Variants in DLGAP2 observed in about 807,000 individuals in gnomAD.
DLGAP2 encodes DLG associated protein 2, also known as disks large-associated protein 2.
DLGAP2 carries 26 observed loss-of-function variants against 100.3 expected under a neutral mutation model. The ratio of observed to expected loss-of-function variants is 0.26; its 90% CI spans 0.19 to 0.36. The LOEUF (loss-of-function observed/expected upper bound fraction) is 0.36, where lower values mean the gene tolerates loss of function less well. Ranked by LOEUF, DLGAP2 falls within the 10% of genes least tolerant of loss-of-function variation. The probability of loss-of-function intolerance (pLI) is 1.00; values close to 1 mark genes in which losing one functional copy is unlikely to be tolerated. For synonymous variants in DLGAP2, 886 were observed against 630.1 expected (o/e 1.41, Z -6.08); for missense variants, 1,858 against 1,453.2 (o/e 1.28, Z -4.53).
chr8:807,652 C>G (rs1025842719), intron 1 of DLGAP2, among the ~76,000 whole-genome samples: 1 of 151,172 alleles, frequency 6.6e-6, no homozygotes, highest in African/African-American at 2.4e-5. Context: ...TATGTTCTCT[C>G]TCCTCTTTTT....
At position 976,330 on chromosome 8, in the gene DLGAP2, G is replaced by C. The variant is rs145776514; in HGVS notation, c.73+68364G>C. Among the ~76,000 whole-genome samples the C allele has an allele frequency of 7.8e-3, 1,185 of 152,164 alleles. 19 individuals carry two copies. Among genetic ancestry groups the C allele is most frequent in the African/African-American group, 0.027 (1,128 of 41,510 alleles). The stretch of plus-strand genomic sequence containing the variant: ...AAGCCCAGAAAATAGACTCAGTGCA[G>C]GCCGGGCGTGATGGTTCAAGCGTGT... On this transcript the variant is annotated intron_variant, in intron 2 of 14. Coordinates refer to ENST00000637795, the MANE Select transcript of DLGAP2 (RefSeq NM_001346810.2).
At chr8:1,419,060 G>A (rs1797018358) in intron 3 of DLGAP2, among the ~76,000 whole-genome samples, 1 of 152,242 alleles carries the variant, frequency 6.6e-6, no homozygotes, top group Non-Finnish European at 1.5e-5. Context: ...TGCCCTCTCT[G>A]GGCACCGCCT....
intron 2 of DLGAP2, among the ~76,000 whole-genome samples, chr8:1,168,219 T>C (rs1048754046): frequency 6.6e-6 from 1 of 152,074 alleles, no homozygotes; most frequent in Non-Finnish European, 1.5e-5. Context: ...ACTCATCATT[T>C]TTTATGGTTG....
chr8:1,383,831 C>A (rs1158950332), intron 3 of DLGAP2, among the ~76,000 whole-genome samples: 1 of 152,224 alleles, frequency 6.6e-6, no homozygotes, highest in East Asian at 1.9e-4. Context: ...CACTTTCCAG[C>A]AGAGTAAACT....
intron 2 of DLGAP2, among the ~76,000 whole-genome samples, chr8:940,266 CA>C (rs1308039265): frequency 1.3e-5 from 2 of 152,020 alleles, no homozygotes; most frequent in East Asian, 3.9e-4. Context: ...CTGAGCTGGT[CA>C]GGTGGCCAGG....
intron 2 of DLGAP2, among the ~76,000 whole-genome samples, chr8:1,043,407 AGGTGGTGGATGTG>A (rs1257802435): frequency 8.4e-5 from 10 of 119,692 alleles, no homozygotes; most frequent in African/African-American, 9.7e-5. Flanking sequence ...TGGTGGATAT[AGGTGGTGGATGTG>A]GGTGGTGGAT....
chr8:1,488,372 C>T (rs951479203), intron 3 of DLGAP2, among the ~76,000 whole-genome samples: 3 of 152,282 alleles, frequency 2.0e-5, no homozygotes, highest in Non-Finnish European at 4.4e-5. Context: ...CTTGGCAGGT[C>T]TCTTTTCCAA....
At chr8:1,658,425 T>C (rs1169228090) in intron 8 of DLGAP2, among the ~76,000 whole-genome samples, 5 of 152,320 alleles carry the variant, frequency 3.3e-5, no homozygotes, top group African/African-American at 1.2e-4. Flanking sequence ...CTGGGATACA[T>C]GTGCAGAACG....
chr8:1,520,220 C>T lies in DLGAP2; in HGVS notation c.172+18789C>T, dbSNP rs189217726. ...TGTCCACAATGGCTGAGGAGAAGAA[C>T]AGCTGCAGGCCCCCACCCCGGAGCT... On this transcript the variant is annotated intron_variant, in intron 4 of 14. Transcript: ENST00000637795. Among the ~76,000 whole-genome samples, 292 of 152,300 alleles carry T rather than the reference C, an allele frequency of 1.9e-3. 1 individual carries two copies. Among genetic ancestry groups the T allele is most frequent in the South Asian group, 3.7e-3 (18 of 4,828 alleles).
intron 2 of DLGAP2, among the ~76,000 whole-genome samples, chr8:962,263 A>T (rs1449476855): frequency 2.0e-5 from 3 of 152,222 alleles, no homozygotes; most frequent in Non-Finnish European, 4.4e-5. Context: ...TTACAGCTAA[A>T]AACAGATGGC....
chr8:1,186,272 C>G (rs901863010), intron 2 of DLGAP2, among the ~76,000 whole-genome samples: 1 of 152,266 alleles, frequency 6.6e-6, no homozygotes, highest in East Asian at 1.9e-4. Context: ...GGCCGAGCAT[C>G]TGCGAACCTT....
At chr8:892,813 G>C (rs112350973) in intron 1 of DLGAP2, among the ~76,000 whole-genome samples, 1 of 152,150 alleles carries the variant, frequency 6.6e-6, no homozygotes, top group Admixed American at 6.5e-5. Flanking sequence ...AGGGAATTTA[G>C]GGTTTTTCCT....
intron 1 of DLGAP2, among the ~76,000 whole-genome samples, chr8:825,858 A>G (rs1237893261): frequency 6.6e-6 from 1 of 152,034 alleles, no homozygotes; most frequent in East Asian, 1.9e-4. Flanking sequence ...AATCAATTAT[A>G]CTCTTTTAGT....
At chr8:1,599,775 A>C (rs992306374) in intron 6 of DLGAP2, among the ~76,000 whole-genome samples, 1 of 152,204 alleles carries the variant, frequency 6.6e-6, no homozygotes, top group East Asian at 1.9e-4. Context: ...GTCTTTGTAC[A>C]TGAGATGGGT....
At chr8:1,301,965 TTAAAA>T (rs1272420057) in intron 3 of DLGAP2, 1 of 152,248 alleles carries the variant, frequency 6.6e-6, no homozygotes, top group Non-Finnish European at 1.5e-5. Flanking sequence ...TGCACGGCCA[TTAAAA>T]TAATCTTTGG....
chr8:1,685,869 G>A (rs1167384931), intron 12 of DLGAP2, among the ~76,000 whole-genome samples: 4 of 152,062 alleles, frequency 2.6e-5, no homozygotes, highest in Non-Finnish European at 4.4e-5. Context: ...TCAAAACCAC[G>A]ATGAGATGTC....
Position 964,080 on chromosome 8 carries a change from G to A in DLGAP2, c.73+56114G>A, listed in dbSNP as rs896835211. Among the ~76,000 whole-genome samples, 119 of 152,188 alleles carry A rather than the reference G, an allele frequency of 7.8e-4. 1 individual carries two copies. The highest frequency in any genetic ancestry group is 2.7e-3 in the African/African-American group (111 of 41,516). ...ACTTTAGGAAGTTTATGCTTCCCAC[G>A]AGAAAACAAATTCAAGTCTTATGTA... On this transcript the variant is annotated intron_variant, in intron 2 of 14. Transcript: ENST00000637795.
At chr8:1,423,033 C>T (rs570635935) in intron 3 of DLGAP2, among the ~76,000 whole-genome samples, 1 of 152,092 alleles carries the variant, frequency 6.6e-6, no homozygotes, top group East Asian at 1.9e-4. Flanking sequence ...ACATGGTGCT[C>T]ATCATAGTGA....
chr8:842,143 G>C (rs1796994598), intron 1 of DLGAP2, among the ~76,000 whole-genome samples: 1 of 152,180 alleles, frequency 6.6e-6, no homozygotes, highest in Non-Finnish European at 1.5e-5. Context: ...GGTTCTATGA[G>C]TAGCCACATG....
Sources: allele counts gnomAD v4.1 joint callset (sites outside exome capture counted in the v4.1 genomes callset), GRCh38; gene constraint gnomAD v4.1.1; transcripts MANE v1.5; gene names NCBI Gene and HGNC (gene_info 2026-07-23, HGNC 2026-07-21).